Variants in DLG2 observed in about 807,000 individuals in gnomAD.
DLG2 encodes discs large MAGUK scaffold protein 2, also known as disks large homolog 2.
DLG2 carries 45 observed loss-of-function variants against 132.5 expected under a neutral mutation model. The observed-to-expected ratio is 0.34, with a 90% CI of 0.27 to 0.44. The LOEUF is 0.44. DLG2 is among the 20% of genes least tolerant of loss of function. The pLI is 1.00. For synonymous variants in DLG2, 424 were observed against 419.6 expected, an observed-to-expected ratio of 1.01 and a Z score of -0.13; for missense variants, 1,045 against 1,196.9, an observed-to-expected ratio of 0.87 and a Z score of 1.87.
At chr11:83,940,883 A>G (rs912230044) in intron 14 of DLG2, among the ~76,000 whole-genome samples, 1 of 152,190 alleles carries the variant, frequency 6.6e-6, no homozygotes, top group Non-Finnish European at 1.5e-5. Flanking sequence ...CATGAATAGC[A>G]CAGTGCCTAG....
intron 21 of DLG2, among the ~76,000 whole-genome samples, chr11:83,522,912 G>A (rs968391078): frequency 9.3e-5 from 14 of 149,930 alleles, no homozygotes; most frequent in African/African-American, 1.5e-4. Flanking sequence ...GATATTACAC[G>A]TGCTATTATT....
At chr11:85,222,169 T>A (rs1428671655) in intron 4 of DLG2, among the ~76,000 whole-genome samples, 6 of 152,166 alleles carry the variant, frequency 3.9e-5, no homozygotes, top group African/African-American at 1.2e-4. Context: ...TTTTACCACG[T>A]TGGCCAGGCT....
intron 6 of DLG2, among the ~76,000 whole-genome samples, chr11:85,014,128 C>G (rs1439925866): frequency 1.3e-5 from 2 of 152,172 alleles, no homozygotes; most frequent in African/African-American, 4.8e-5. Context: ...AAATTATAAG[C>G]TTAAGAGTTA....
intron 3 of DLG2, among the ~76,000 whole-genome samples, chr11:85,463,795 T>C (rs1173993978): frequency 6.6e-6 from 1 of 151,710 alleles, no homozygotes; most frequent in Non-Finnish European, 1.5e-5. Flanking sequence ...TTAAAAAACC[T>C]CGTCAGATAT....
At chr11:84,952,459 G>GTGAGC (rs1343538169) in intron 6 of DLG2, among the ~76,000 whole-genome samples, 3 of 152,266 alleles carry the variant, frequency 2.0e-5, no homozygotes, top group Non-Finnish European at 4.4e-5. Flanking sequence ...GGAGCTTGCA[G>GTGAGC]TGAGCGGAGA....
chr11:83,763,432 C>T (rs981952491), intron 18 of DLG2, among the ~76,000 whole-genome samples: 10 of 152,090 alleles, frequency 6.6e-5, no homozygotes, highest in Non-Finnish European at 1.3e-4. Context: ...AAGATTGTTT[C>T]TATTATAGCT....
chr11:83,508,487 C>T (rs1402582980), intron 21 of DLG2, among the ~76,000 whole-genome samples: 3 of 148,618 alleles, frequency 2.0e-5, no homozygotes, highest in Non-Finnish European at 3.0e-5. Context: ...TCATGATCCA[C>T]CTGCCTTGGC....
At chr11:84,887,573 T>C (rs962567540) in intron 6 of DLG2, among the ~76,000 whole-genome samples, 15 of 152,132 alleles carry the variant, frequency 9.9e-5, no homozygotes, top group African/African-American at 3.6e-4. Flanking sequence ...ACGCTAATAT[T>C]TGATGACACA....
intron 7 of DLG2, among the ~76,000 whole-genome samples, chr11:84,362,217 T>C (rs1025259359): frequency 4.6e-5 from 7 of 152,000 alleles, no homozygotes; most frequent in African/African-American, 1.4e-4. Flanking sequence ...TCAACTTGTA[T>C]TTCTCACGCC....
At chr11:85,361,834 G>A (rs2084178567) in intron 3 of DLG2, among the ~76,000 whole-genome samples, 1 of 152,076 alleles carries the variant, frequency 6.6e-6, no homozygotes, top group South Asian at 2.1e-4. Context: ...TCTAATTCTG[G>A]GGAAAATGAC....
chr11:83,919,128 C>T (rs74907386), intron 15 of DLG2, among the ~76,000 whole-genome samples: 3,785 of 152,196 alleles, frequency 0.025, 173 homozygotes, highest in African/African-American at 0.086. Context: ...TGTGATTCAC[C>T]AACAGGCCCT....
intron 7 of DLG2, among the ~76,000 whole-genome samples, chr11:84,447,222 G>A (rs2099037834): frequency 6.6e-6 from 1 of 152,066 alleles, no homozygotes; most frequent in African/African-American, 2.4e-5. Context: ...GGGTAATAAC[G>A]GAAACTATGT....
chr11:84,788,033 T>C (rs1201554509), intron 6 of DLG2, among the ~76,000 whole-genome samples: 2 of 123,726 alleles, frequency 1.6e-5, no homozygotes, highest in East Asian at 2.3e-4. Flanking sequence ...ACCAGGGAGG[T>C]AGAGGTTGAA....
chr11:85,047,099 T>C (rs1286933439), intron 6 of DLG2, among the ~76,000 whole-genome samples: 1 of 151,964 alleles, frequency 6.6e-6, no homozygotes, highest in Non-Finnish European at 1.5e-5. Flanking sequence ...TTCTTCTTTC[T>C]TCTTCTACAC....
At chr11:84,185,503 C>T (rs961880717) in intron 8 of DLG2, among the ~76,000 whole-genome samples, 6 of 152,266 alleles carry the variant, frequency 3.9e-5, no homozygotes, top group African/African-American at 1.2e-4. Flanking sequence ...GATATACAAT[C>T]GTGTCATCTG....
chr11:85,594,490 C>G (rs2079588132), intron 3 of DLG2, among the ~76,000 whole-genome samples: 2 of 152,256 alleles, frequency 1.3e-5, no homozygotes, highest in South Asian at 4.1e-4. Flanking sequence ...CCCCCTCACA[C>G]ACTGGGAAGA....
chr11:83,607,723 A>G (rs545270694), intron 19 of DLG2, among the ~76,000 whole-genome samples: 1 of 152,376 alleles, frequency 6.6e-6, no homozygotes, highest in Non-Finnish European at 1.5e-5. Flanking sequence ...AGTATCCTTC[A>G]ACAGAAGAAT....
Position 85,623,345 on chromosome 11 carries a change from G to A in DLG2, c.-93+3242C>T, listed in dbSNP as rs1443288339. ...TTTTGAGACGAAGTCTCTCTCTGTC[G>A]CCAAGTTGGAGTGCAGCGGCACAGT... On this transcript the variant is annotated intron_variant, in intron 2 of 27. Coordinates refer to ENST00000376104, the MANE Select transcript of DLG2 (RefSeq NM_001142699.3). Among the ~76,000 whole-genome samples, 4 of 151,422 alleles carry A rather than the reference G, an allele frequency of 2.6e-5. No individual in the cohort carries two copies. In the East Asian group the frequency reaches 5.9e-4, roughly 22 times the overall value.
At chr11:84,894,224 T>C (rs1273495934) in intron 6 of DLG2, among the ~76,000 whole-genome samples, 1 of 152,152 alleles carries the variant, frequency 6.6e-6, no homozygotes, top group African/African-American at 2.4e-5. Flanking sequence ...TAGTTTTTAT[T>C]TAGTCTTTAA....
Sources: gnomAD v4.1 joint callset for allele counts (sites outside exome capture counted in the v4.1 genomes callset) on GRCh38, gnomAD v4.1.1 for gene constraint, MANE v1.5 for transcripts, NCBI Gene and HGNC (gene_info 2026-07-23, HGNC 2026-07-21) for gene names.